Variants in EXOC6B observed in about 807,000 individuals in gnomAD.
EXOC6B encodes the protein SEC15 homolog B.
A neutral mutation model predicts 113.5 loss-of-function variants in EXOC6B; 54 were observed. That is an observed-to-expected ratio of 0.48 (90% confidence interval 0.38 to 0.60). EXOC6B has a LOEUF of 0.60. Among genes scored for constraint, EXOC6B ranks in the 20% least tolerant of loss-of-function variants. The probability of loss-of-function intolerance (pLI) is 0.00; values close to 1 mark genes in which losing one functional copy is unlikely to be tolerated. For missense variants in EXOC6B, 797 were observed against 977.5 expected (o/e 0.82, Z 2.46); for synonymous variants, 357 against 339.0 (o/e 1.05, Z -0.58).
chr2:72,434,666 C>T (rs1460600495), intron 18 of EXOC6B, among the ~76,000 whole-genome samples: 1 of 152,182 alleles, frequency 6.6e-6, no homozygotes, highest in African/African-American at 2.4e-5. Context: ...TTATCCGTTT[C>T]TTCTAGATTT....
chr2:72,683,327 A>G (rs1260453613), intron 6 of EXOC6B, among the ~76,000 whole-genome samples: 3 of 152,190 alleles, frequency 2.0e-5, no homozygotes, highest in Non-Finnish European at 4.4e-5. Flanking sequence ...AAAGAATCCA[A>G]TGTCCAGTAA....
intron 6 of EXOC6B, among the ~76,000 whole-genome samples, chr2:72,643,156 CT>C (rs1253616466): frequency 1.3e-5 from 2 of 151,994 alleles, no homozygotes; most frequent in Non-Finnish European, 2.9e-5. Flanking sequence ...CACTTTTACA[CT>C]GTTGGTGGGA....
chr2:72,678,786 T>C (rs1348755484), intron 6 of EXOC6B, among the ~76,000 whole-genome samples: 1 of 152,166 alleles, frequency 6.6e-6, no homozygotes, highest in Non-Finnish European at 1.5e-5. Flanking sequence ...AGAACATAGA[T>C]ACACTAACAT....
At chr2:72,741,506 TACTTCTAAGAAGGAAAA>T in intron 1 of EXOC6B, 37 bp from the exon 2 acceptor site, 1 of 1,568,424 alleles carries the variant, frequency 6.4e-7, no homozygotes, top group South Asian at 1.2e-5. Context: ...ATACCATGGT[TACTTCTAAGAAGGAAAA>T]ACAAAATTAT....
At chr2:72,476,811 C>T (rs534127217) in intron 17 of EXOC6B, among the ~76,000 whole-genome samples, 6 of 152,252 alleles carry the variant, frequency 3.9e-5, no homozygotes, top group African/African-American at 9.6e-5. Context: ...TTATCTACTT[C>T]GGTATCTCAC....
Position 72,465,276 on chromosome 2 carries a change from G to T in EXOC6B, c.1864C>A (p.Leu622Ile). The stretch of plus-strand genomic sequence containing the variant: ...ATCCAGTCATAGTCTGCCAGCTGTA[G>T]GAACTGGTCAATCTTCTGGTTTAAG... ...TNLNQKIDQF[L>I]QLADYDWMTG... Residue 622 changes from leucine to isoleucine, a missense_variant, in exon 18 of 22, where the codon CTA becomes ATA. Coordinates refer to ENST00000272427, the MANE Select transcript of EXOC6B (RefSeq NM_015189.3). 1 of 1,609,674 alleles carries T rather than the reference G, an allele frequency of 6.2e-7. No homozygotes were observed. Among genetic ancestry groups the T allele is most frequent in the Admixed American group, 1.7e-5 (1 of 59,420 alleles).
chr2:72,190,353 T>C (rs1417087986), intron 20 of EXOC6B, among the ~76,000 whole-genome samples: 2 of 126,224 alleles, frequency 1.6e-5, no homozygotes, highest in East Asian at 3.9e-4. Flanking sequence ...TTCAATATGG[T>C]TGTGTTTTTC....
chr2:72,805,177 C>T (rs997572394), intron 1 of EXOC6B, among the ~76,000 whole-genome samples: 3 of 152,164 alleles, frequency 2.0e-5, no homozygotes, highest in Non-Finnish European at 2.9e-5. Context: ...GCAGCAAAAA[C>T]AAAACTCCTC....
chr2:72,559,442 T>C lies in EXOC6B; in HGVS notation c.915+11A>G, dbSNP rs763946555. The C allele has an allele frequency of 4.5e-6, 7 of 1,561,636 alleles. No individual in the cohort carries two copies. Among genetic ancestry groups the C allele is most frequent in the Non-Finnish European group, 6.1e-6 (7 of 1,156,512 alleles). On this transcript the variant is annotated intron_variant, in intron 8 of 21. Transcript: ENST00000272427. ...GACATCTTTATTAGGCAGAGCCAGA[T>C]AAAGACTCACCAGGACAGAATATAT...
At chr2:72,216,626 C>T (rs1216690027) in intron 20 of EXOC6B, among the ~76,000 whole-genome samples, 4 of 152,052 alleles carry the variant, frequency 2.6e-5, no homozygotes, top group South Asian at 2.1e-4. Context: ...AGCACTATTC[C>T]AATAGCAAAG....
rs141960111 is a variant in EXOC6B, at chr2:72,251,980, C to T, written c.2197-67793G>A. ...TTACAATGAATGAACAATCCTTGTCCCATCATTTCTGCACTTAATTCCACT... is the reference window on the plus strand; with the variant it reads ...TTACAATGAATGAACAATCCTTGTCTCATCATTTCTGCACTTAATTCCACT... On this transcript the variant is annotated intron_variant, in intron 20 of 21. Coordinates refer to ENST00000272427, the MANE Select transcript of EXOC6B (RefSeq NM_015189.3). Among the ~76,000 whole-genome samples the T allele has an allele frequency of 2.0e-4, 30 of 152,252 alleles. No individual in the cohort carries two copies. The East Asian group carries it at 5.0e-3, about 25-fold the overall frequency.
chr2:72,394,137 T>C (rs1692570757), intron 18 of EXOC6B, among the ~76,000 whole-genome samples: 1 of 152,220 alleles, frequency 6.6e-6, no homozygotes, highest in Admixed American at 6.5e-5. Flanking sequence ...TATCTTCTGA[T>C]TTATTACAAC....
chr2:72,698,737 A>C (rs1678074468), intron 6 of EXOC6B, among the ~76,000 whole-genome samples: 1 of 152,224 alleles, frequency 6.6e-6, no homozygotes, highest in Non-Finnish European at 1.5e-5. Context: ...CTCTGACACC[A>C]ATCTATTATC....
chr2:72,660,803 T>C (rs921621489), intron 6 of EXOC6B, among the ~76,000 whole-genome samples: 1 of 150,194 alleles, frequency 6.7e-6, no homozygotes, highest in Non-Finnish European at 1.5e-5. Flanking sequence ...TATTACACAA[T>C]TGGCACTAAG....
chr2:72,580,081 GA>G (rs1705121163), intron 6 of EXOC6B, among the ~76,000 whole-genome samples: 2 of 137,848 alleles, frequency 1.5e-5, no homozygotes, highest in Non-Finnish European at 3.1e-5. Flanking sequence ...CAACAACAAC[GA>G]AAAACAAAAA....
At chr2:72,682,527 G>A (rs924514099) in intron 6 of EXOC6B, among the ~76,000 whole-genome samples, 4 of 151,980 alleles carry the variant, frequency 2.6e-5, no homozygotes, top group African/African-American at 9.7e-5. Flanking sequence ...AAGAGAACAT[G>A]TTTCAAATGA....
At position 72,553,819 on chromosome 2, in the gene EXOC6B, A is replaced by G. The variant is rs970836047; in HGVS notation, c.915+5634T>C. Among the ~76,000 whole-genome samples the G allele has an allele frequency of 2.0e-5, 3 of 152,326 alleles. No individual in the cohort carries two copies. The East Asian group carries it at 5.8e-4, about 29-fold the overall frequency. On this transcript the variant is annotated intron_variant, in intron 8 of 21. Transcript: ENST00000272427. ...CAAAATAAGCTTGTACTAACTTGTT[A>G]TAATATGTCTGAACAGGATCTAGTT...
At chr2:72,761,473 T>G (rs374871853) in intron 1 of EXOC6B, among the ~76,000 whole-genome samples, 1 of 152,144 alleles carries the variant, frequency 6.6e-6, no homozygotes, top group East Asian at 1.9e-4. Flanking sequence ...GCTCTCCAAT[T>G]TATAAGGTAA....
At chr2:72,652,503 G>T (rs1674253073) in intron 6 of EXOC6B, among the ~76,000 whole-genome samples, 1 of 151,822 alleles carries the variant, frequency 6.6e-6, no homozygotes, top group Admixed American at 6.6e-5. Context: ...ATAGCTCTCT[G>T]TATATTGATT....
Sources: gnomAD v4.1 joint callset for allele counts (sites outside exome capture counted in the v4.1 genomes callset) on GRCh38, gnomAD v4.1.1 for gene constraint, MANE v1.5 for transcripts, NCBI Gene and HGNC (gene_info 2026-07-23, HGNC 2026-07-21) for gene names.